The following PARP9 variants were observed in gnomAD, a reference collection of about 807,000 sequenced individuals.
PARP9 encodes the protein poly(ADP-ribose) polymerase family member 9, also known as protein mono-ADP-ribosyltransferase PARP9.
A neutral mutation model predicts 68.8 loss-of-function variants in PARP9; 48 were observed. The observed-to-expected ratio is 0.70, with a 90% CI of 0.55 to 0.89. The LOEUF (loss-of-function observed/expected upper bound fraction) is 0.89. Ranked by LOEUF, PARP9 falls within the 40% of genes least tolerant of loss-of-function variation. PARP9 has a pLI of 0.00. For missense variants in PARP9, 806 were observed against 969.3 expected, an observed-to-expected ratio of 0.83 and a Z score of 2.24; for synonymous variants, 309 against 333.8, an observed-to-expected ratio of 0.93 and a Z score of 0.81.
chr3:122,561,602 C>CA (rs1201169300), intron 1 of PARP9, among the ~76,000 whole-genome samples: 1 of 152,166 alleles, frequency 6.6e-6, no homozygotes, highest in Non-Finnish European at 1.5e-5. Context: ...TCTCCTATGC[C>CA]ATCTTCCCTT....
At chr3:122,550,482 G>T in intron 6 of PARP9, 102 bp downstream of exon 6, 3 of 965,492 alleles carry the variant, frequency 3.1e-6, no homozygotes, top group Non-Finnish European at 4.7e-6. Flanking sequence ...ACAGCACCTA[G>T]CCCTGCATCC....
intron 1 of PARP9, among the ~76,000 whole-genome samples, chr3:122,561,136 G>T (rs1189980603): frequency 1.3e-5 from 2 of 152,152 alleles, no homozygotes; most frequent in Non-Finnish European, 2.9e-5. Flanking sequence ...CTATAACCTG[G>T]CTCCCTGCCT....
chr3:122,550,748 T>C lies in PARP9; in HGVS notation c.1162A>G (p.Thr388Ala). ...CLEKCIEQNITSISFPALGTG... is the reference protein window; with the variant it reads ...CLEKCIEQNIASISFPALGTG... ...CCAAGGGCAGGAAAGGAAATGGAAG[T>C]TATATTTTGCTCAATGCATTTTTCC... is the stretch of plus-strand genomic sequence containing the variant. Residue 388 changes from threonine to alanine, a missense_variant, in exon 6 of 11, where the codon ACT (threonine) becomes GCT (alanine). Physicochemically the swap from Thr to Ala is moderately conservative, Grantham distance 58. Around this residue, in one of 2 missense-constraint regions of PARP9, gnomAD observed 680 missense variants for 858.8 expected, o/e 0.79. Coordinates refer to ENST00000682323, the MANE Select transcript of PARP9 (RefSeq NM_001146105.2). 1 of 1,614,126 alleles carries C rather than the reference T, an allele frequency of 6.2e-7. No homozygotes were observed. The highest frequency in any genetic ancestry group is 8.5e-7 in the Non-Finnish European group (1 of 1,180,012).
Position 122,559,654 on chromosome 3 carries a change from A to G in PARP9, c.-34T>C. The stretch of plus-strand genomic sequence containing the variant: ...TCCCCGGGGGAGTCTTTAAATGTTT[A>G]TTCCCTTTTGCGCTTCAAAGCATAG... On this transcript the variant is annotated 5_prime_UTR_variant, in exon 2 of 11. Coordinates refer to ENST00000682323, the MANE Select transcript of PARP9 (RefSeq NM_001146105.2). 1.3e-6 allele frequency: 2 copies of G among 1,575,190 alleles called. No homozygotes were observed. The highest frequency in any genetic ancestry group is 1.7e-6 in the Non-Finnish European group (2 of 1,162,320).
chr3:122,556,617 G>T (rs2079692021), intron 3 of PARP9, among the ~76,000 whole-genome samples: 1 of 152,164 alleles, frequency 6.6e-6, no homozygotes, highest in Non-Finnish European at 1.5e-5. Flanking sequence ...AGATGTGAAT[G>T]TAAGTAGTTT....
intron 8 of PARP9, among the ~76,000 whole-genome samples, chr3:122,539,172 C>G (rs1358401063): frequency 6.6e-6 from 1 of 152,192 alleles, no homozygotes; most frequent in Admixed American, 6.5e-5. Context: ...CCAGGCCTTG[C>G]GACAATCTTA....
rs371521588 is a variant in PARP9 at position 122,528,356 on chromosome 3, T to C, written c.*8A>G. 5.7e-5 allele frequency: 92 copies of C among 1,607,950 alleles called. No homozygotes were observed. The highest frequency in any genetic ancestry group is 7.1e-5 in the Non-Finnish European group (83 of 1,176,526). On this transcript the variant is annotated 3_prime_UTR_variant, in exon 11 of 11. Coordinates refer to ENST00000682323, the MANE Select transcript of PARP9 (RefSeq NM_001146105.2). The stretch of plus-strand genomic sequence containing the variant: ...AAGGCCATACCAGCTGTTAAAATGA[T>C]GTAGAGATTAATCAACAGGGCTGCC...
intron 1 of PARP9, among the ~76,000 whole-genome samples, chr3:122,563,419 A>G (rs1023932208): frequency 6.6e-6 from 1 of 152,246 alleles, no homozygotes. Flanking sequence ...TGGATATGTC[A>G]AGCTAAATAA....
chr3:122,528,603 G>A lies in PARP9; in HGVS notation c.2221C>T (p.Pro741Ser). 6.2e-7 allele frequency: 1 copy of A among 1,614,112 alleles called. No individual in the cohort carries two copies. The highest frequency in any genetic ancestry group is 8.5e-7 in the Non-Finnish European group (1 of 1,180,034). The change falls in exon 11 of 11, where the codon CCG becomes TCG. Residue 741 changes from proline to serine, a missense_variant. Coordinates refer to ENST00000682323, the MANE Select transcript of PARP9 (RefSeq NM_001146105.2). The stretch of plus-strand genomic sequence containing the variant: ...AGTGGTGGGGGAACAATATTTAACG[G>A]ATGTCCCTGGCAGAAGAAGCCTGTG... ...VLTGFFCQGHPLNIVPPPLSP... is the reference protein window; with the variant it reads ...VLTGFFCQGHSLNIVPPPLSP...
chr3:122,554,540 G>A (rs1371851384), intron 4 of PARP9, among the ~76,000 whole-genome samples: 2 of 152,228 alleles, frequency 1.3e-5, no homozygotes, highest in South Asian at 2.1e-4. Context: ...TACTTATTAT[G>A]TGCCAAGCAC....
chr3:122,548,865 C>T (rs2078968361), intron 6 of PARP9, among the ~76,000 whole-genome samples: 1 of 152,164 alleles, frequency 6.6e-6, no homozygotes, highest in Non-Finnish European at 1.5e-5. Flanking sequence ...CATACCACTG[C>T]TGTTAAAGAA....
Position 122,528,590 on chromosome 3 carries a change from A to G in PARP9, c.2234T>C (p.Val745Ala), listed in dbSNP as rs372529402. The G allele has an allele frequency of 6.7e-5, 108 of 1,614,064 alleles. No homozygotes were observed. Among genetic ancestry groups the G allele is most frequent in the Non-Finnish European group, 8.7e-5 (103 of 1,180,036 alleles). Residue 745 changes from valine to alanine, a missense_variant, in exon 11 of 11, where the codon GTT (valine) becomes GCT (alanine). Val to Ala is a moderately conservative substitution (Grantham distance 64, BLOSUM62 0). Transcript: ENST00000682323. ...AGCTCCAGGACTCAGTGGTGGGGGA[A>G]CAATATTTAACGGATGTCCCTGGCA... ...FFCQGHPLNIVPPPLSPGAID... is the reference protein window; with the variant it reads ...FFCQGHPLNIAPPPLSPGAID...
At chr3:122,552,357 T>TAAA in intron 5 of PARP9, 61 bp downstream of exon 5, 2 of 1,141,670 alleles carry the variant, frequency 1.8e-6, no homozygotes, top group Non-Finnish European at 2.5e-6. Context: ...GAAATTTGTT[T>TAAA]AAAAAAAAAA....
intron 8 of PARP9, among the ~76,000 whole-genome samples, chr3:122,539,045 T>A (rs1211145354): frequency 6.6e-6 from 1 of 152,190 alleles, no homozygotes; most frequent in African/African-American, 2.4e-5. Flanking sequence ...TTATAACCAA[T>A]GATCTTTCTA....
chr3:122,530,176 CAAAAA>C (rs11295677), intron 10 of PARP9, among the ~76,000 whole-genome samples: 1 of 82,304 alleles, frequency 1.2e-5, no homozygotes, highest in East Asian at 3.3e-4. Context: ...GGCCCTGTCT[CAAAAA>C]AAAAAAAAAA....
At chr3:122,536,539 T>C (rs2077658877) in intron 9 of PARP9, 197 bp from the exon 10 acceptor site, 1 of 1,031,634 alleles carries the variant, frequency 9.7e-7, no homozygotes, top group African/African-American at 1.6e-5. Flanking sequence ...CAAAATTCCC[T>C]GCCCCTTCTC....
At chr3:122,551,412 A>T (rs1244090888) in intron 5 of PARP9, among the ~76,000 whole-genome samples, 1 of 152,228 alleles carries the variant, frequency 6.6e-6, no homozygotes, top group African/African-American at 2.4e-5. Context: ...GAAGAAAGAT[A>T]GACAAAGGCA....
chr3:122,554,726 A>ATAT (rs1033151776), intron 4 of PARP9, among the ~76,000 whole-genome samples: 5 of 151,974 alleles, frequency 3.3e-5, no homozygotes, highest in Admixed American at 6.6e-5. Flanking sequence ...ACTGAATGCT[A>ATAT]TATTATTATT....
chr3:122,551,472 T>C (rs1346990331), intron 5 of PARP9, among the ~76,000 whole-genome samples: 1 of 152,224 alleles, frequency 6.6e-6, no homozygotes, highest in African/African-American at 2.4e-5. Context: ...GGGTTCCTCC[T>C]ATTCTTTAAT....
Sources: allele counts gnomAD v4.1 joint callset (sites outside exome capture counted in the v4.1 genomes callset), GRCh38; gene constraint gnomAD v4.1.1; regional missense constraint gnomAD v4.1.1; transcripts MANE v1.5; gene names NCBI Gene and HGNC (gene_info 2026-07-23, HGNC 2026-07-21).